The following PDE4B variants were observed in gnomAD, a reference collection of about 807,000 sequenced individuals.
PDE4B encodes the protein 3',5'-cyclic-AMP phosphodiesterase 4B.
Under a neutral mutation model 82.2 loss-of-function variants are expected in PDE4B, and 20 were observed. The observed-to-expected ratio is 0.24, with a 90% CI of 0.17 to 0.35. The LOEUF (loss-of-function observed/expected upper bound fraction) is 0.35, where lower values mean the gene tolerates loss of function less well. Among genes scored for constraint, PDE4B ranks in the 10% least tolerant of loss-of-function variants. The probability of loss-of-function intolerance (pLI) is 1.00; values close to 1 mark genes in which losing one functional copy is unlikely to be tolerated. For missense variants in PDE4B, 655 were observed against 907.2 expected (o/e 0.72, Z 3.57); for synonymous variants, 320 against 318.9 (o/e 1.00, Z -0.04).
At chr1:66,293,354 C>T (rs553814129) in intron 7 of PDE4B, among the ~76,000 whole-genome samples, 7 of 151,464 alleles carry the variant, frequency 4.6e-5, no homozygotes, top group South Asian at 2.1e-4. Context: ...AAATATTTGC[C>T]GTGGTATTGT....
chr1:66,357,982 A>G (rs141304919), intron 9 of PDE4B, among the ~76,000 whole-genome samples: 1 of 152,346 alleles, frequency 6.6e-6, no homozygotes, highest in East Asian at 1.9e-4. Flanking sequence ...GTTTGTTTCC[A>G]GACTGCCAGT....
At chr1:66,082,088 G>A (rs1656770400) in intron 3 of PDE4B, among the ~76,000 whole-genome samples, 2 of 152,022 alleles carry the variant, frequency 1.3e-5, no homozygotes, top group African/African-American at 4.8e-5. Flanking sequence ...AAAATCAGAG[G>A]AGCATTAAAA....
At chr1:66,341,126 G>A (rs573905552) in intron 8 of PDE4B, among the ~76,000 whole-genome samples, 2 of 152,294 alleles carry the variant, frequency 1.3e-5, no homozygotes, top group Admixed American at 6.5e-5. Context: ...GAGAAAAAGA[G>A]GTGGCTTTTG....
At chr1:65,986,221 T>A (rs921306135) in intron 3 of PDE4B, among the ~76,000 whole-genome samples, 4 of 152,154 alleles carry the variant, frequency 2.6e-5, no homozygotes, top group African/African-American at 9.7e-5. Flanking sequence ...CAAAGGTGAA[T>A]ACGATAGTTT....
chr1:66,363,446 A>G lies in PDE4B; in HGVS notation c.1159A>G (p.Thr387Ala). Residue 387 changes from threonine to alanine, a missense_variant, in exon 12 of 17, where the codon ACA (threonine) becomes GCA (alanine). This residue lies in a region of PDE4B where 283 missense variants were observed against 516.4 expected (regional missense o/e 0.55). Coordinates refer to ENST00000341517, the MANE Select transcript of PDE4B (RefSeq NM_002600.4). Reference protein sequence around the residue: ...LLKTFRISSDTFITYMMTLED... With the variant: ...LLKTFRISSDAFITYMMTLED... ...AAAGACATTCAGAATCTCATCTGACACATTTATAACCTACATGATGACTTT... is the reference window on the plus strand; with the variant it reads ...AAAGACATTCAGAATCTCATCTGACGCATTTATAACCTACATGATGACTTT... 1 of 1,613,446 alleles carries G rather than the reference A, an allele frequency of 6.2e-7. No individual in the cohort carries two copies. The highest frequency in any genetic ancestry group is 1.1e-5 in the South Asian group (1 of 91,064).
At chr1:65,901,484 T>C (rs1569616079) in intron 1 of PDE4B, among the ~76,000 whole-genome samples, 1 of 152,042 alleles carries the variant, frequency 6.6e-6, no homozygotes, top group Non-Finnish European at 1.5e-5. Flanking sequence ...AGAAGTGCTC[T>C]TCTTGTACAT....
chr1:66,220,495 A>G (rs1650889024), intron 3 of PDE4B, among the ~76,000 whole-genome samples: 1 of 152,158 alleles, frequency 6.6e-6, no homozygotes, highest in African/African-American at 2.4e-5. Context: ...TTGAAATTGC[A>G]AAGAAGCCTT....
At chr1:66,204,270 T>C (rs1406153218) in intron 3 of PDE4B, among the ~76,000 whole-genome samples, 1 of 152,226 alleles carries the variant, frequency 6.6e-6, no homozygotes, top group East Asian at 1.9e-4. Context: ...GGGCAGTACC[T>C]CCCAGTTAGG....
chr1:65,983,563 A>G (rs1373688035), intron 3 of PDE4B, among the ~76,000 whole-genome samples: 1 of 152,186 alleles, frequency 6.6e-6, no homozygotes, highest in Non-Finnish European at 1.5e-5. Flanking sequence ...TATCTTTATT[A>G]AAAACGGTAA....
chr1:66,270,209 A>G (rs1282460258), intron 7 of PDE4B, among the ~76,000 whole-genome samples: 1 of 152,012 alleles, frequency 6.6e-6, no homozygotes, highest in African/African-American at 2.4e-5. Context: ...GCATTTCAAG[A>G]AAAGACTGTG....
At chr1:66,231,452 T>C (rs963955657) in intron 3 of PDE4B, among the ~76,000 whole-genome samples, 1 of 152,192 alleles carries the variant, frequency 6.6e-6, no homozygotes, top group African/African-American at 2.4e-5. Context: ...AGAGAATTGG[T>C]TGTGAAAAGA....
chr1:66,319,381 A>G (rs911174756), intron 7 of PDE4B, among the ~76,000 whole-genome samples: 1 of 152,150 alleles, frequency 6.6e-6, no homozygotes, highest in African/African-American at 2.4e-5. Context: ...GGGATAAATA[A>G]CCCTTGTGTT....
chr1:65,958,149 G>C (rs78948002), intron 3 of PDE4B, among the ~76,000 whole-genome samples: 8,421 of 151,990 alleles, frequency 0.055, 301 homozygotes, highest in Middle Eastern at 0.18. Flanking sequence ...GGTTATGGGC[G>C]CTTTTTGCGT....
In PDE4B at chr1:66,266,682, C is replaced by T. The variant is rs112136702; in HGVS notation, c.634+595C>T. 687 of 528,520 alleles carry T rather than the reference C, an allele frequency of 1.3e-3. 2 individuals are homozygous for T. Among genetic ancestry groups the T allele is most frequent in the African/African-American group, 0.012 (632 of 51,968 alleles). 32.7% of individuals were successfully genotyped at this position (528,520 alleles called of 1,614,324 possible). A position where few individuals can be genotyped will look rare whatever the true frequency, so the allele number is the denominator to read the frequency against. On this transcript the variant is annotated intron_variant, in intron 7 of 16. Transcript: ENST00000341517. ...CCTCTCATCTTTCAGGACAGTGCAT[C>T]CACTTTTCTTGGTGTGTTGAGAGCT...
At chr1:66,314,883 C>T (rs1658921328) in intron 7 of PDE4B, among the ~76,000 whole-genome samples, 3 of 152,164 alleles carry the variant, frequency 2.0e-5, no homozygotes, top group Admixed American at 1.3e-4. Context: ...GTCCAAAGCA[C>T]AAGCACACCT....
chr1:66,175,389 C>T (rs1401084253), intron 3 of PDE4B, among the ~76,000 whole-genome samples: 1 of 152,166 alleles, frequency 6.6e-6, no homozygotes, highest in Non-Finnish European at 1.5e-5. Context: ...TAAAAGAAGA[C>T]TCATTGCTTT....
chr1:65,873,170 C>A (rs1646593951), intron 1 of PDE4B, among the ~76,000 whole-genome samples: 1 of 152,066 alleles, frequency 6.6e-6, no homozygotes, highest in African/African-American at 2.4e-5. Flanking sequence ...ACTGACAATT[C>A]AGAAAAGGAA....
chr1:66,027,547 G>A (rs1653514754), intron 3 of PDE4B, among the ~76,000 whole-genome samples: 1 of 152,084 alleles, frequency 6.6e-6, no homozygotes, highest in Admixed American at 6.5e-5. Context: ...CTTAACTCGT[G>A]ACAGCATTAA....
chr1:66,344,194 G>T (rs1338008657), intron 8 of PDE4B, among the ~76,000 whole-genome samples: 7 of 152,170 alleles, frequency 4.6e-5, no homozygotes, highest in South Asian at 2.1e-4. Context: ...AATGCAATGG[G>T]TAGTTTTTCT....
Sources: gnomAD v4.1 joint callset for allele counts (sites outside exome capture counted in the v4.1 genomes callset) on GRCh38, gnomAD v4.1.1 for gene constraint, gnomAD v4.1.1 regional missense constraint, MANE v1.5 for transcripts, NCBI Gene and HGNC (gene_info 2026-07-23, HGNC 2026-07-21) for gene names.